The following DGKB variants were observed in gnomAD, a reference collection of about 807,000 sequenced individuals.
DGKB encodes 90 kDa diacylglycerol kinase.
DGKB carries 67 observed loss-of-function variants against 114.3 expected under a neutral mutation model. The ratio of observed to expected loss-of-function variants is 0.59; its 90% CI spans 0.48 to 0.72. The LOEUF is 0.72. DGKB is among the 30% of genes least tolerant of loss of function. The pLI is 0.00. For synonymous variants in DGKB, 398 were observed against 323.1 expected (o/e 1.23, Z -2.49); for missense variants, 907 against 975.2 (o/e 0.93, Z 0.93).
chr7:14,439,404 C>A lies in DGKB; in HGVS notation c.1835+38757G>T, dbSNP rs115798330. Among the ~76,000 whole-genome samples the A allele has an allele frequency of 1.2e-3, 179 of 152,254 alleles. 1 individual carries two copies. Among genetic ancestry groups the A allele is most frequent in the African/African-American group, 4.1e-3 (169 of 41,560 alleles). On this transcript the variant is annotated intron_variant, in intron 21 of 25. Transcript: ENST00000402815. ...TAATACACAAAAAGACCTGTGTTCT[C>A]TTCACCCCTTGATGAAATGAAATGC... is the stretch of plus-strand genomic sequence containing the variant.
chr7:14,539,910 C>A (rs750174964), intron 20 of DGKB, among the ~76,000 whole-genome samples: 70 of 152,066 alleles, frequency 4.6e-4, no homozygotes, highest in Admixed American at 1.2e-3. Context: ...TTTTTATTCT[C>A]TATAATAATT....
intron 21 of DGKB, among the ~76,000 whole-genome samples, chr7:14,416,620 C>T (rs1233716580): frequency 1.3e-5 from 2 of 152,014 alleles, no homozygotes; most frequent in Non-Finnish European, 2.9e-5. Context: ...ATAAGTCTCA[C>T]GAGATCTGAT....
chr7:14,614,070 T>C (rs1806087880), intron 15 of DGKB, among the ~76,000 whole-genome samples: 1 of 152,212 alleles, frequency 6.6e-6, no homozygotes, highest in Admixed American at 6.5e-5. Flanking sequence ...GACTCGACTA[T>C]ACGTCATGTG....
chr7:14,371,792 T>C (rs1817700367), intron 21 of DGKB, among the ~76,000 whole-genome samples: 2 of 152,124 alleles, frequency 1.3e-5, no homozygotes, highest in African/African-American at 2.4e-5. Flanking sequence ...TCTTATAGTT[T>C]GAAATTTTAC....
At chr7:14,917,774 G>A (rs1233679682) in intron 1 of DGKB, among the ~76,000 whole-genome samples, 3 of 151,860 alleles carry the variant, frequency 2.0e-5, no homozygotes, top group Admixed American at 1.3e-4. Context: ...ATTCTATGAA[G>A]CTAGCATTAC....
At chr7:14,652,191 A>G (rs1200679414) in intron 13 of DGKB, among the ~76,000 whole-genome samples, 1 of 150,458 alleles carries the variant, frequency 6.6e-6, no homozygotes, top group Admixed American at 6.7e-5. Flanking sequence ...CACATCACCA[A>G]GTCAATCCTA....
intron 20 of DGKB, among the ~76,000 whole-genome samples, chr7:14,535,331 A>G (rs1156675396): frequency 6.6e-6 from 1 of 151,642 alleles, no homozygotes; most frequent in African/African-American, 2.4e-5. Context: ...AATGTGCCAT[A>G]AAACTCTGGC....
chr7:14,862,134 C>A (rs960102228), intron 1 of DGKB, among the ~76,000 whole-genome samples: 6 of 151,610 alleles, frequency 4.0e-5, no homozygotes, highest in African/African-American at 1.5e-4. Flanking sequence ...TATTTTCTTT[C>A]CCCCCCAGCT....
chr7:14,440,910 T>TTCTGATAG (rs1237858047), intron 21 of DGKB, among the ~76,000 whole-genome samples: 1 of 152,184 alleles, frequency 6.6e-6, no homozygotes, highest in Non-Finnish European at 1.5e-5. Flanking sequence ...ATTTTTAGTA[T>TTCTGATAG]TCTGATAGCT....
intron 23 of DGKB, among the ~76,000 whole-genome samples, chr7:14,288,429 A>G (rs1403121688): frequency 3.5e-4 from 53 of 152,052 alleles, no homozygotes; most frequent in Non-Finnish European, 1.5e-5. Context: ...TCAATTTAAA[A>G]AGAACTCACT....
intron 21 of DGKB, among the ~76,000 whole-genome samples, chr7:14,408,168 T>C (rs942408810): frequency 3.9e-5 from 6 of 152,152 alleles, no homozygotes; most frequent in Non-Finnish European, 7.4e-5. Flanking sequence ...GGTTTAATGA[T>C]CAATTACTCA....
At chr7:14,396,737 A>G (rs543124906) in intron 21 of DGKB, among the ~76,000 whole-genome samples, 1 of 152,272 alleles carries the variant, frequency 6.6e-6, no homozygotes, top group South Asian at 2.1e-4. Flanking sequence ...CACCAGGGTG[A>G]CAATATGCTT....
At chr7:14,843,525 G>A (rs1848240045) in intron 1 of DGKB, among the ~76,000 whole-genome samples, 2 of 150,570 alleles carry the variant, frequency 1.3e-5, no homozygotes, top group East Asian at 2.0e-4. Flanking sequence ...TAGTAGAGAC[G>A]GGGTTTCACC....
At chr7:14,265,414 G>A (rs1348792145) in intron 23 of DGKB, among the ~76,000 whole-genome samples, 7 of 133,298 alleles carry the variant, frequency 5.3e-5, no homozygotes, top group Admixed American at 3.4e-4. Context: ...CCCGTACTGT[G>A]CTAATTGCTC....
At chr7:14,799,789 A>G (rs890108004) in intron 2 of DGKB, among the ~76,000 whole-genome samples, 2 of 152,226 alleles carry the variant, frequency 1.3e-5, no homozygotes, top group African/African-American at 2.4e-5. Context: ...GTGAGCTGCC[A>G]TGACAATTGG....
At chr7:14,526,695 T>C (rs1019192360) in intron 20 of DGKB, among the ~76,000 whole-genome samples, 1 of 152,110 alleles carries the variant, frequency 6.6e-6, no homozygotes, top group African/African-American at 2.4e-5. Context: ...GTGGACATGA[T>C]AGGATATCAA....
At chr7:14,700,211 A>C (rs978513977) in intron 7 of DGKB, among the ~76,000 whole-genome samples, 26 of 143,538 alleles carry the variant, frequency 1.8e-4, no homozygotes, top group African/African-American at 6.0e-4. Context: ...TTTGAAAAAA[A>C]ATTTTTTTTT....
In DGKB at chr7:14,148,810, G is replaced by T; in HGVS notation, c.*321C>A. 1 of 346,948 alleles carries T rather than the reference G, an allele frequency of 2.9e-6. No individual in the cohort carries two copies. Among genetic ancestry groups the T allele is most frequent in the Non-Finnish European group, 5.3e-6 (1 of 188,292 alleles). The allele number at this position is 346,948 out of a possible 1,614,324, so 21.5% of individuals were successfully genotyped here. A position where few individuals can be genotyped will look rare whatever the true frequency, so the allele number is the denominator to read the frequency against. Reference sequence around the variant, plus strand: ...TGGTATTTCCTTTTTCATGTTTCACGGGTTTTTCTCACAGGTTAGTAAAAG... The same window carrying T: ...TGGTATTTCCTTTTTCATGTTTCACTGGTTTTTCTCACAGGTTAGTAAAAG... On this transcript the variant is annotated 3_prime_UTR_variant, in exon 26 of 26. Transcript: ENST00000402815.
intron 2 of DGKB, among the ~76,000 whole-genome samples, chr7:14,797,674 G>A (rs1270860633): frequency 6.6e-6 from 1 of 151,444 alleles, no homozygotes; most frequent in East Asian, 1.9e-4. Flanking sequence ...GCTGCCATCT[G>A]TGAGGTTTCA....
Sources: gnomAD v4.1 joint callset for allele counts (sites outside exome capture counted in the v4.1 genomes callset) on GRCh38, gnomAD v4.1.1 for gene constraint, MANE v1.5 for transcripts, NCBI Gene and HGNC (gene_info 2026-07-23, HGNC 2026-07-21) for gene names.